Variants in VSIG1 observed in about 807,000 individuals in gnomAD.
VSIG1 encodes V-set and immunoglobulin domain-containing protein 1.
In VSIG1, 11 loss-of-function variants were observed where a neutral mutation model predicts 20.1. The ratio of observed to expected loss-of-function variants is 0.55; its 90% CI spans 0.34 to 0.91. The LOEUF (loss-of-function observed/expected upper bound fraction) is 0.91. Ranked by LOEUF, VSIG1 falls within the 40% of genes least tolerant of loss-of-function variation. The pLI, the probability that VSIG1 is intolerant of heterozygous loss-of-function variation, is 0.02. For missense variants in VSIG1, 283 were observed against 298.8 expected (o/e 0.95, Z 0.39); for synonymous variants, 126 against 116.7 (o/e 1.08, Z -0.52).
chrX:108,066,700 G>A (rs761269288), intron 2 of VSIG1, among the ~76,000 whole-genome samples: 1 of 111,715 alleles, frequency 9.0e-6, no homozygotes, highest in Admixed American at 9.5e-5. Context: ...TGTAAGATAG[G>A]CATACTAATC....
At chrX:108,062,577 G>A (rs970191379) in intron 2 of VSIG1, among the ~76,000 whole-genome samples, 1 of 112,191 alleles carries the variant, frequency 8.9e-6, no homozygotes, top group Non-Finnish European at 1.9e-5. Context: ...GACCTTCCAT[G>A]CCTTCTTCCA....
At position 108,063,184 on chromosome X, in the gene VSIG1, AT is replaced by A. The variant is rs765575557; in HGVS notation, c.214-3751del. On this transcript the variant is annotated intron_variant, in intron 2 of 6. Transcript: ENST00000217957. ...ACTCAGCATGGGAAGCATCATGCCA[AT>A]AAATAGCAACAATTGGCAGGAGAAA... 5.5e-3 allele frequency among the ~76,000 whole-genome samples: 619 copies of A among 111,949 alleles called. 6 individuals are homozygous for A. Among genetic ancestry groups the A allele is most frequent in the African/African-American group, 0.019 (583 of 30,798 alleles).
chrX:108,047,154 G>C (rs1443894800), intron 1 of VSIG1, among the ~76,000 whole-genome samples: 1 of 111,438 alleles, frequency 9.0e-6, no homozygotes, highest in African/African-American at 3.3e-5. Context: ...ACTTTTTGGT[G>C]TTAAGCGTGG....
chrX:108,023,146 A>G, the VSIG1 span, among the ~76,000 whole-genome samples: 1 of 112,320 alleles, frequency 8.9e-6, no homozygotes, highest in African/African-American at 3.2e-5. Context: ...GTTCCCTTCT[A>G]TTCCTAGTTT....
chrX:108,034,157 G>A, the VSIG1 span, among the ~76,000 whole-genome samples: 1 of 110,465 alleles, frequency 9.1e-6, no homozygotes, highest in African/African-American at 3.3e-5. Context: ...GAGGTTTTGG[G>A]GTTGGGGGTG....
chrX:108,073,254 A>G lies in VSIG1; in HGVS notation c.573A>G (p.Pro191=). The G allele has an allele frequency of 1.7e-6, 2 of 1,211,334 alleles. No individual in the cohort carries two copies. The highest frequency in any genetic ancestry group is 2.2e-6 in the Non-Finnish European group (2 of 895,227). ...DIVPVKENFN[P]TTGILVIGNL... ...TCTATTCCCTGGTTTCAACAGACCC[A>G]ACCACCGGGATTTTGGTCATTGGAA... Residue 191 remains proline (P), a synonymous_variant, in exon 5 of 7, where the codon CCA becomes CCG. Transcript: ENST00000217957.
At chrX:108,030,562 G>A in the VSIG1 span, among the ~76,000 whole-genome samples, 23 of 112,117 alleles carry the variant, frequency 2.1e-4, no homozygotes, top group Non-Finnish European at 3.9e-4. Flanking sequence ...CTCAAATAGA[G>A]GTTACAGGCT....
At chrX:108,033,383 G>A in the VSIG1 span, among the ~76,000 whole-genome samples, 1 of 112,088 alleles carries the variant, frequency 8.9e-6, no homozygotes, top group Non-Finnish European at 1.9e-5. Flanking sequence ...TCTGCATGGT[G>A]GGCCACCTGA....
the VSIG1 span, among the ~76,000 whole-genome samples, chrX:108,023,181 T>C: frequency 1.2e-3 from 138 of 111,798 alleles, no homozygotes; most frequent in Non-Finnish European, 2.3e-3. Context: ...TATGAAGGAG[T>C]GTTGGATTTT....
chrX:108,034,170 T>C, the VSIG1 span, among the ~76,000 whole-genome samples: 1 of 110,119 alleles, frequency 9.1e-6, no homozygotes, highest in African/African-American at 3.3e-5. Flanking sequence ...TGGGGGTGCT[T>C]GTACAGCCCG....
chrX:108,062,548 T>C (rs2031048950), intron 2 of VSIG1, among the ~76,000 whole-genome samples: 1 of 112,349 alleles, frequency 8.9e-6, no homozygotes, highest in Admixed American at 9.4e-5. Context: ...TATTCTCTTC[T>C]AAAGAATGCA....
At position 108,067,082 on chromosome X, in the gene VSIG1, C is replaced by T; in HGVS notation, c.360C>T (p.Asn120=). 8.3e-7 allele frequency: 1 copy of T among 1,211,253 alleles called. No homozygotes were observed. Among genetic ancestry groups the T allele is most frequent in the Non-Finnish European group, 1.1e-6 (1 of 895,236 alleles). The part of the protein sequence containing the change: ...DSGIYICDVN[N]PPDFLGQNQG... Reference sequence around the variant, plus strand: ...GAATTTACATCTGCGATGTTAACAACCCCCCAGACTTTCTCGGCCAAAACC... The same window carrying T: ...GAATTTACATCTGCGATGTTAACAATCCCCCAGACTTTCTCGGCCAAAACC... Residue 120 remains asparagine (N), a synonymous_variant, in exon 3 of 7, where the codon AAC becomes AAT. Coordinates refer to ENST00000217957, the MANE Select transcript of VSIG1 (RefSeq NM_182607.5).
At chrX:108,073,182 A>G (rs192132061) in intron 4 of VSIG1, 68 bp from the exon 5 acceptor site, 342 of 1,144,286 alleles carry the variant, frequency 3.0e-4, no homozygotes, top group Non-Finnish European at 3.8e-4. Flanking sequence ...ACATTGAGTG[A>G]TCTGTTACAC....
intron 1 of VSIG1, among the ~76,000 whole-genome samples, chrX:108,052,662 G>A (rs1029996109): frequency 1.5e-4 from 17 of 111,439 alleles, no homozygotes; most frequent in East Asian, 8.4e-4. Flanking sequence ...GATAAATTAC[G>A]TGAGGTGATG....
intron 1 of VSIG1, among the ~76,000 whole-genome samples, chrX:108,049,262 A>G (rs766763408): frequency 2.1e-4 from 24 of 112,666 alleles, no homozygotes; most frequent in Middle Eastern, 9.2e-3. Flanking sequence ...TATATCTTCT[A>G]TATTTAAAAT....
At chrX:108,042,647 T>A, upstream of VSIG1, among the ~76,000 whole-genome samples, 1 of 111,530 alleles carries the variant, frequency 9.0e-6, no homozygotes, top group East Asian at 2.8e-4. Flanking sequence ...CCGGTATTAC[T>A]TCCAGGGTGG....
chrX:108,067,330 A>G (rs1203570873), intron 3 of VSIG1, among the ~76,000 whole-genome samples, 196 bp downstream of exon 3: 7 of 111,656 alleles, frequency 6.3e-5, no homozygotes, highest in African/African-American at 2.3e-4. Flanking sequence ...TAAAACATGC[A>G]GAACAATTGT....
At chrX:108,038,347 G>T in the VSIG1 span, among the ~76,000 whole-genome samples, 1 of 111,118 alleles carries the variant, frequency 9.0e-6, no homozygotes, top group African/African-American at 3.3e-5. Context: ...GAGAACATGC[G>T]GTGTTTGGTT....
At chrX:108,026,439 A>G in the VSIG1 span, among the ~76,000 whole-genome samples, 1 of 111,302 alleles carries the variant, frequency 9.0e-6, no homozygotes, top group African/African-American at 3.3e-5. Context: ...TTGAGAGAGT[A>G]GCAAAGCATC....
Sources: allele counts gnomAD v4.1 joint callset (sites outside exome capture counted in the v4.1 genomes callset), GRCh38; gene constraint gnomAD v4.1.1; transcripts MANE v1.5; gene names NCBI Gene and HGNC (gene_info 2026-07-23, HGNC 2026-07-21).